Variants in NWD1 observed in about 807,000 individuals in gnomAD.
The protein encoded by NWD1 is NACHT and WD repeat domain containing 1, also known as NACHT domain- and WD repeat-containing protein 1.
A neutral mutation model predicts 135.1 loss-of-function variants in NWD1; 129 were observed. The observed-to-expected ratio is 0.96, with a 90% CI of 0.83 to 1.11. NWD1 has a LOEUF of 1.11. Ranked by LOEUF, NWD1 falls within the 50% of genes least tolerant of loss-of-function variation. The pLI, the probability that NWD1 is intolerant of heterozygous loss-of-function variation, is 0.00. For synonymous variants in NWD1, 773 were observed against 786.0 expected (o/e 0.98, Z 0.28); for missense variants, 1,740 against 1,851.3 (o/e 0.94, Z 1.10).
At position 16,759,284 on chromosome 19, in the gene NWD1, AG is replaced by A. The variant is rs774470171; in HGVS notation, c.1831del (p.Asp611MetfsTer96). 5.6e-6 allele frequency: 9 copies of A among 1,614,188 alleles called. No individual in the cohort carries two copies. The South Asian group carries it at 9.9e-5, about 18-fold the overall frequency. ...TTGTCCCTGGACGACGAGGTCCTGCAGGATGTGTACCGAGATTGGACCCCGC... is the reference window on the plus strand; with the variant it reads ...TTGTCCCTGGACGACGAGGTCCTGCAGATGTGTACCGAGATTGGACCCCGC... ...DVLSLDDEVLQDVYRDWTPPS... is the reference protein window; with the variant it reads ...DVLSLDDEVLXDVYRDWTPPS... On this transcript the variant is annotated frameshift_variant, in exon 7 of 19. Coordinates refer to ENST00000524140, the MANE Select transcript of NWD1 (RefSeq NM_001007525.5). LOFTEE classifies it high-confidence loss of function.
intron 6 of NWD1, among the ~76,000 whole-genome samples, chr19:16,752,976 C>A (rs746083204): frequency 1.3e-5 from 2 of 152,182 alleles, no homozygotes; most frequent in African/African-American, 2.4e-5. Flanking sequence ...CCAGTCTGGG[C>A]AACAGAGCAA....
At position 16,791,364 on chromosome 19, in the gene NWD1, T is replaced by G; in HGVS notation, c.2955T>G (p.Asn985Lys). 6.2e-7 allele frequency: 1 copy of G among 1,613,768 alleles called. No individual in the cohort carries two copies. Among genetic ancestry groups the G allele is most frequent in the East Asian group, 2.2e-5 (1 of 44,868 alleles). Residue 985 changes from asparagine to lysine, a missense_variant, in exon 14 of 19, where the codon AAT becomes AAG. Physicochemically the swap from Asn to Lys is moderately conservative, Grantham distance 94 (BLOSUM62 0). Coordinates refer to ENST00000524140, the MANE Select transcript of NWD1 (RefSeq NM_001007525.5). ...SASGSKINAW[N>K]LETAEPVFHI... ...TATTCTATTAGATCAATGCTTGGAA[T>G]CTGGAAACTGCAGAGCCGGTATTCC...
chr19:16,759,872 T>C (rs1265881533), intron 7 of NWD1, among the ~76,000 whole-genome samples: 1 of 151,930 alleles, frequency 6.6e-6, no homozygotes, highest in Non-Finnish European at 1.5e-5. Flanking sequence ...CACGTGCCTG[T>C]AATCCCAGCT....
At chr19:16,800,192 G>T in intron 17 of NWD1, 30 bp downstream of exon 17, 1 of 1,569,904 alleles carries the variant, frequency 6.4e-7, no homozygotes, top group Non-Finnish European at 8.7e-7. Flanking sequence ...GGTCATTTTT[G>T]TGGGTAAGGC....
In NWD1 at chr19:16,730,050, G is replaced by A. The variant is rs529912369; in HGVS notation, c.-6-1142G>A. Among the ~76,000 whole-genome samples the A allele has an allele frequency of 1.2e-4, 19 of 152,178 alleles. No individual in the cohort carries two copies. The South Asian group carries it at 3.5e-3, about 28-fold the overall frequency. ...TTTTAAAACTATTTATGGGCCGGGC[G>A]CAGTGGCTCACGCCTGTGATCCCAG... On this transcript the variant is annotated intron_variant, in intron 2 of 18. Coordinates refer to ENST00000524140, the MANE Select transcript of NWD1 (RefSeq NM_001007525.5).
Position 16,763,868 on chromosome 19 carries a change from A to G in NWD1, c.2174A>G (p.Asn725Ser), listed in dbSNP as rs757707682. ...CTGTGGTTCTCACATACGGTTGCAA[A>G]CCTGCGGAAGCTGAAGGAGTTGCCC... Reference protein sequence around the residue: ...QPLWFSHTVANLRKLKELPYH... With the variant: ...QPLWFSHTVASLRKLKELPYH... The change falls in exon 9 of 19, where the codon AAC becomes AGC. Residue 725 changes from asparagine to serine, a missense_variant. Physicochemically the swap from Asn to Ser is conservative, Grantham distance 46 (BLOSUM62 1). Coordinates refer to ENST00000524140, the MANE Select transcript of NWD1 (RefSeq NM_001007525.5). The G allele has an allele frequency of 1.9e-6, 3 of 1,614,022 alleles. No homozygotes were observed. The highest frequency in any genetic ancestry group is 1.1e-5 in the South Asian group (1 of 91,078).
intron 10 of NWD1, among the ~76,000 whole-genome samples, chr19:16,771,831 C>CTTTTTTTT: frequency 7.5e-6 from 1 of 133,436 alleles, no homozygotes; most frequent in African/African-American, 2.8e-5. Context: ...ATCACGAGTC[C>CTTTTTTTT]TTTTTTTTTT....
intron 12 of NWD1, among the ~76,000 whole-genome samples, chr19:16,784,066 G>A (rs1249605853): frequency 5.9e-5 from 9 of 152,158 alleles, no homozygotes; most frequent in East Asian, 1.9e-4. Context: ...TTAGCTGGGC[G>A]TGGTGGTGCA....
At chr19:16,760,449 G>A (rs927587848) in intron 7 of NWD1, among the ~76,000 whole-genome samples, 2 of 151,494 alleles carry the variant, frequency 1.3e-5, no homozygotes, top group Admixed American at 6.6e-5. Flanking sequence ...TTGTGGAGAT[G>A]GGGTCTCACC....
rs1599535610 is a variant in NWD1, at chr19:16,789,115, T to C, written c.2865T>C (p.Asn955=). The C allele has an allele frequency of 6.2e-7, 1 of 1,614,002 alleles. No homozygotes were observed. Among genetic ancestry groups the C allele is most frequent in the Non-Finnish European group, 8.5e-7 (1 of 1,179,956 alleles). Reference sequence around the variant, plus strand: ...CCATTTGGGATGGAGGCTCAAAAAATCCCGCTGAACCTCAGATCTGGAACC... The same window carrying C: ...CCATTTGGGATGGAGGCTCAAAAAACCCCGCTGAACCTCAGATCTGGAACC... The part of the protein sequence containing the change: ...KFTIWDGGSK[N]PAEPQIWNLH... The change falls in exon 13 of 19, where the codon AAT becomes AAC. Residue 955 remains asparagine, a synonymous_variant. Transcript: ENST00000524140.
At chr19:16,791,835 C>T (rs1032597576) in intron 14 of NWD1, among the ~76,000 whole-genome samples, 2 of 152,182 alleles carry the variant, frequency 1.3e-5, no homozygotes, top group Admixed American at 1.3e-4. Context: ...CTGCCTCAGC[C>T]TTCCGAGTAG....
Position 16,759,323 on chromosome 19 carries a change from T to G in NWD1, c.1868T>G (p.Leu623Arg). The G allele has an allele frequency of 6.2e-7, 1 of 1,614,036 alleles. No homozygotes were observed. Among genetic ancestry groups the G allele is most frequent in the Non-Finnish European group, 8.5e-7 (1 of 1,179,956 alleles). ...YRDWTPPSKE[L>R]LRFPPLLWVR... is the part of the protein sequence containing the mutation. ...GATTGGACCCCGCCCAGCAAGGAGC[T>G]GCTGCGCTTCCCGCCCCTGCTGTGG... Residue 623 changes from leucine to arginine, a missense_variant, in exon 7 of 19, where the codon CTG (leucine) becomes CGG (arginine). Coordinates refer to ENST00000524140, the MANE Select transcript of NWD1 (RefSeq NM_001007525.5).
chr19:16,799,853 T>C (rs1370839475), intron 16 of NWD1, 33 bp from the exon 17 acceptor site: 5 of 1,555,116 alleles, frequency 3.2e-6, no homozygotes, highest in Non-Finnish European at 4.3e-6. Flanking sequence ...CCACAGAAGA[T>C]GTCAGATCTG....
At chr19:16,736,457 C>A (rs1967823636) in intron 3 of NWD1, among the ~76,000 whole-genome samples, 177 bp from the exon 4 acceptor site, 1 of 152,010 alleles carries the variant, frequency 6.6e-6, no homozygotes. Context: ...TGTTATTTTT[C>A]TCATGATTAT....
intron 4 of NWD1, among the ~76,000 whole-genome samples, chr19:16,742,932 A>C (rs1033313732): frequency 1.4e-5 from 2 of 139,060 alleles, no homozygotes; most frequent in Middle Eastern, 3.9e-3. Context: ...ATTTTATTTG[A>C]GACAGAGTCT....
Position 16,736,644 on chromosome 19 carries a change from T to G in NWD1, c.92T>G (p.Leu31Arg), listed in dbSNP as rs967780896. 2 of 1,532,990 alleles carry G rather than the reference T, an allele frequency of 1.3e-6. No individual in the cohort carries two copies. The highest frequency in any genetic ancestry group is 4.9e-5 in the East Asian group (2 of 40,904). 95.0% of individuals were successfully genotyped at this position (1,532,990 alleles called of 1,614,324 possible). A position where few individuals can be genotyped will look rare whatever the true frequency, so the allele number is the denominator to read the frequency against. ...RHGLMFEVVD[L>R]RWGIRNIEAT... ...GTTTCTATTTCCCAGGTCGTTGATC[T>G]GAGGTGGGGTATTCGGAACATTGAA... Residue 31 changes from leucine (L) to arginine (R), a missense_variant, in exon 4 of 19, where the codon CTG becomes CGG. Physicochemically the swap from Leu to Arg is moderately radical, Grantham distance 102. Transcript: ENST00000524140.
In NWD1 at chr19:16,790,639, A is replaced by AAAAAT. The variant is rs1555730357; in HGVS notation, c.2941-709_2941-708insAATAA. 2.8e-4 allele frequency among the ~76,000 whole-genome samples: 41 copies of AAAAAT among 147,326 alleles called. No homozygotes were observed. The East Asian group carries it at 3.0e-3, about 11-fold the overall frequency. On this transcript the variant is annotated intron_variant, in intron 13 of 18. Transcript: ENST00000524140. ...CAAAACTGAAAGTAACATTAAAAAA[A>AAAAAT]AATAAATAAATAAATAAATAAATAA...
chr19:16,807,435 G>A (rs1277684904), intron 17 of NWD1, 151 bp from the exon 18 acceptor site: 9 of 591,778 alleles, frequency 1.5e-5, no homozygotes, highest in Non-Finnish European at 2.6e-5. Flanking sequence ...GGAGGTTACG[G>A]TGACCTGAGA....
chr19:16,797,274 C>T (rs1457705562), intron 15 of NWD1, among the ~76,000 whole-genome samples: 1 of 151,704 alleles, frequency 6.6e-6, no homozygotes, highest in Non-Finnish European at 1.5e-5. Context: ...CTGAATCCAC[C>T]TTCCCCGTCC....
Sources: allele counts gnomAD v4.1 joint callset (sites outside exome capture counted in the v4.1 genomes callset), GRCh38; gene constraint gnomAD v4.1.1; transcripts MANE v1.5; gene names NCBI Gene and HGNC (gene_info 2026-07-23, HGNC 2026-07-21).